Variants in TDRD7 observed in about 807,000 individuals in gnomAD.
The protein encoded by TDRD7 is tudor domain containing 7.
A neutral mutation model predicts 109.8 loss-of-function variants in TDRD7; 47 were observed. That is an observed-to-expected ratio of 0.43 (90% confidence interval 0.34 to 0.55). The LOEUF (loss-of-function observed/expected upper bound fraction) is 0.55. TDRD7 is among the 20% of genes least tolerant of loss of function. The pLI, the probability that TDRD7 is intolerant of heterozygous loss-of-function variation, is 0.03. For missense variants in TDRD7, 1,164 were observed against 1,319.2 expected, an observed-to-expected ratio of 0.88 and a Z score of 1.82; for synonymous variants, 424 against 457.3, an observed-to-expected ratio of 0.93 and a Z score of 0.93.
chr9:97,412,482 C>G lies in TDRD7; in HGVS notation c.-7+244C>G, dbSNP rs1827733543. On this transcript the variant is annotated intron_variant, in intron 1 of 16. Transcript: ENST00000355295. This position sits in a 1 kb window ranked among gnomAD's most constrained non-coding sequence, Gnocchi z 4.3. Reference sequence around the variant, plus strand: ...TTGTGTTTTAAATCTCTGAAGGGACCCTGCTCCGGGCCGGGCGTTCACGCG... The same window carrying G: ...TTGTGTTTTAAATCTCTGAAGGGACGCTGCTCCGGGCCGGGCGTTCACGCG... 6.6e-6 allele frequency among the ~76,000 whole-genome samples: 1 copy of G among 152,110 alleles called. No individual in the cohort carries two copies. Among genetic ancestry groups the G allele is most frequent in the Non-Finnish European group, 1.5e-5 (1 of 67,984 alleles).
chr9:97,494,329 T>G (rs1829358370), intron 16 of TDRD7, among the ~76,000 whole-genome samples: 1 of 152,256 alleles, frequency 6.6e-6, no homozygotes, highest in African/African-American at 2.4e-5. Flanking sequence ...TCATTACATC[T>G]GGCCTTGACC....
At chr9:97,456,030 A>G (rs148331741) in intron 6 of TDRD7, among the ~76,000 whole-genome samples, 2 of 152,308 alleles carry the variant, frequency 1.3e-5, no homozygotes, top group African/African-American at 2.4e-5. Context: ...TACACCAACA[A>G]TAGGCAAGCA....
chr9:97,493,446 C>T (rs930553767), intron 16 of TDRD7, among the ~76,000 whole-genome samples: 2 of 151,840 alleles, frequency 1.3e-5, no homozygotes, highest in Admixed American at 6.6e-5. Context: ...GGGTGTGGGT[C>T]GCAGAGATCA....
chr9:97,470,014 T>C (rs1347440648), intron 8 of TDRD7, among the ~76,000 whole-genome samples: 1 of 152,180 alleles, frequency 6.6e-6, no homozygotes, highest in Non-Finnish European at 1.5e-5. Flanking sequence ...GATACCATTG[T>C]TGTCATTGAT....
chr9:97,484,030 A>G (rs1829169277), intron 15 of TDRD7, among the ~76,000 whole-genome samples: 1 of 152,060 alleles, frequency 6.6e-6, no homozygotes, highest in South Asian at 2.1e-4. Flanking sequence ...GTGAATGTAA[A>G]TCTTTGCATT....
At chr9:97,416,504 A>G (rs1587854584) in intron 1 of TDRD7, among the ~76,000 whole-genome samples, 1 of 152,184 alleles carries the variant, frequency 6.6e-6, no homozygotes, top group South Asian at 2.1e-4. Flanking sequence ...ACATTTACTA[A>G]TATTCAAGCC....
chr9:97,477,248 T>G (rs1333319612), intron 12 of TDRD7, among the ~76,000 whole-genome samples: 1 of 152,218 alleles, frequency 6.6e-6, no homozygotes, highest in Non-Finnish European at 1.5e-5. Context: ...GCCAGGAAAT[T>G]GACATTAATA....
chr9:97,418,517 A>G (rs1827848976), intron 1 of TDRD7, among the ~76,000 whole-genome samples: 2 of 151,592 alleles, frequency 1.3e-5, no homozygotes, highest in Admixed American at 1.3e-4. Flanking sequence ...CAAGAGGAAG[A>G]CTCTACCTGA....
chr9:97,484,198 G>A (rs1320187994), intron 15 of TDRD7, among the ~76,000 whole-genome samples: 1 of 152,178 alleles, frequency 6.6e-6, no homozygotes, highest in Non-Finnish European at 1.5e-5. Context: ...CCTTGGGGCT[G>A]TGAGAACATA....
chr9:97,462,092 T>C (rs1313043026), intron 7 of TDRD7, among the ~76,000 whole-genome samples: 1 of 152,206 alleles, frequency 6.6e-6, no homozygotes, highest in African/African-American at 2.4e-5. Flanking sequence ...GGTCCCAATA[T>C]GTTTCACTAT....
chr9:97,483,885 T>A (rs1829167264), intron 15 of TDRD7, among the ~76,000 whole-genome samples: 1 of 152,168 alleles, frequency 6.6e-6, no homozygotes, highest in Non-Finnish European at 1.5e-5. Flanking sequence ...TAAAATTTCT[T>A]CAGGAACCTT....
intron 9 of TDRD7, among the ~76,000 whole-genome samples, chr9:97,471,983 T>G (rs557093999): frequency 3.9e-5 from 6 of 152,292 alleles, no homozygotes; most frequent in Middle Eastern, 6.8e-3. Flanking sequence ...AGTTTTTTGG[T>G]TTTAAATATG....
intron 7 of TDRD7, among the ~76,000 whole-genome samples, chr9:97,461,016 C>G (rs1410465188): frequency 6.6e-6 from 1 of 151,938 alleles, no homozygotes; most frequent in Non-Finnish European, 1.5e-5. Context: ...TGGCGGGTGC[C>G]TGTAGTCCCA....
At chr9:97,427,753 A>G (rs1457770065) in intron 1 of TDRD7, among the ~76,000 whole-genome samples, 2 of 151,962 alleles carry the variant, frequency 1.3e-5, no homozygotes, top group Admixed American at 6.6e-5. Context: ...TACCTCTCAA[A>G]TTGATTTTTT....
intron 6 of TDRD7, among the ~76,000 whole-genome samples, chr9:97,454,921 A>G (rs1227297459): frequency 1.3e-5 from 2 of 152,322 alleles, no homozygotes; most frequent in East Asian, 3.9e-4. Context: ...GATTAACGAA[A>G]TAGACCTCTA....
chr9:97,457,030 AAAG>A, intron 6 of TDRD7, among the ~76,000 whole-genome samples: 1 of 152,246 alleles, frequency 6.6e-6, no homozygotes, highest in Non-Finnish European at 1.5e-5. Context: ...ACACTTCTCA[AAAG>A]AAGACATTTA....
intron 5 of TDRD7, among the ~76,000 whole-genome samples, chr9:97,440,660 C>G (rs1289607190): frequency 6.6e-6 from 1 of 152,170 alleles, no homozygotes; most frequent in African/African-American, 2.4e-5. Context: ...ATAGCTCACT[C>G]TGGGCTTCCT....
chr9:97,435,113 G>A (rs1274577879), intron 4 of TDRD7, among the ~76,000 whole-genome samples: 1 of 152,052 alleles, frequency 6.6e-6, no homozygotes, highest in Non-Finnish European at 1.5e-5. Context: ...GTGGGCACGT[G>A]AATCTGTACG....
chr9:97,444,996 T>G (rs112253657), intron 6 of TDRD7, among the ~76,000 whole-genome samples: 10 of 152,332 alleles, frequency 6.6e-5, no homozygotes, highest in African/African-American at 2.4e-4. Context: ...GTCCTTAACC[T>G]TTTGGGTCTG....
Sources: gnomAD v4.1 joint callset for allele counts (sites outside exome capture counted in the v4.1 genomes callset) on GRCh38, gnomAD v4.1.1 for gene constraint, Gnocchi (gnomAD v3.1) non-coding constraint, MANE v1.5 for transcripts, NCBI Gene and HGNC (gene_info 2026-07-23, HGNC 2026-07-21) for gene names.